The following SPDL1 variants were observed in gnomAD, a reference collection of about 807,000 sequenced individuals.
SPDL1 encodes the protein protein Spindly.
In SPDL1, 85 loss-of-function variants were observed where a neutral mutation model predicts 79.5. The ratio of observed to expected loss-of-function variants is 1.07; its 90% confidence interval spans 0.90 to 1.28. The LOEUF is 1.28. Among genes scored for constraint, SPDL1 ranks in the 50% most tolerant of loss-of-function variants. The pLI, the probability that SPDL1 is intolerant of heterozygous loss-of-function variation, is 0.00. For synonymous variants in SPDL1, 269 were observed against 240.3 expected, an observed-to-expected ratio of 1.12 and a Z score of -1.10; for missense variants, 703 against 697.8, an observed-to-expected ratio of 1.01 and a Z score of -0.08.
intron 3 of SPDL1, among the ~76,000 whole-genome samples, chr5:169,592,901 A>AT (rs961472503): frequency 4.3e-5 from 6 of 140,520 alleles, no homozygotes; most frequent in Admixed American, 3.0e-4. Context: ...CAAAATTTGG[A>AT]TTTTTTTAAT....
At chr5:169,598,202 G>A (rs894706747) in intron 8 of SPDL1, among the ~76,000 whole-genome samples, 2 of 152,198 alleles carry the variant, frequency 1.3e-5, no homozygotes, top group African/African-American at 4.8e-5. Flanking sequence ...GAGCATGTAG[G>A]TAAGGCTAGA....
rs1484013491 is a variant in SPDL1 at position 169,594,169 on chromosome 5, G to A, written c.556G>A (p.Glu186Lys). The A allele has an allele frequency of 1.2e-6, 2 of 1,607,522 alleles. No homozygotes were observed. The highest frequency in any genetic ancestry group is 1.3e-5 in the African/African-American group (1 of 74,432). Residue 186 changes from glutamate to lysine, a missense_variant, in exon 5 of 12, where the codon GAA (glutamate) becomes AAA (lysine). Coordinates refer to ENST00000265295, the MANE Select transcript of SPDL1 (RefSeq NM_017785.5). Reference protein sequence around the residue: ...MKTTLKEEVNELQYRQEQLEL... With the variant: ...MKTTLKEEVNKLQYRQEQLEL... ...GACCACCCTCAAAGAAGAAGTGAAT[G>A]AACTACAATACAGACAAGAACAGCT...
Position 169,588,507 on chromosome 5 carries a change from G to A in SPDL1, c.91G>A (p.Val31Ile). The part of the protein sequence containing the change: ...LKAAQYGLQL[V>I]ESQNELQNQL... ...AGCTGCACAGTATGGTTTACAACTA[G>A]TAGAGAGTCAAAATGAATTACAGAA... The change falls in exon 2 of 12, where the codon GTA (valine) becomes ATA (isoleucine). Residue 31 changes from valine to isoleucine, a missense_variant. Val to Ile is a conservative substitution (Grantham distance 29, BLOSUM62 3). Transcript: ENST00000265295. The A allele has an allele frequency of 6.2e-7, 1 of 1,613,900 alleles. No individual in the cohort carries two copies. The highest frequency in any genetic ancestry group is 8.5e-7 in the Non-Finnish European group (1 of 1,179,864).
At position 169,604,341 on chromosome 5, in the gene SPDL1, C is replaced by A; in HGVS notation, c.*134C>A. 1.1e-6 allele frequency: 1 copy of A among 896,578 alleles called. No homozygotes were observed. The highest frequency in any genetic ancestry group is 1.6e-6 in the Non-Finnish European group (1 of 633,406). The allele number at this position is 896,578 out of a possible 1,614,324, so 55.5% of individuals were successfully genotyped here. ...GCCAGGACCTGGCATTTTCATGTGC[C>A]TTTGACCAAGTGTTCAGAATTTGCT... On this transcript the variant is annotated 3_prime_UTR_variant, in exon 12 of 12. Coordinates refer to ENST00000265295, the MANE Select transcript of SPDL1 (RefSeq NM_017785.5).
chr5:169,590,639 C>T, intron 2 of SPDL1: 3 of 418,038 alleles, frequency 7.2e-6, no homozygotes, highest in South Asian at 1.7e-5. Flanking sequence ...TCTTTTTTTT[C>T]AACTATTATT....
intron 11 of SPDL1, among the ~76,000 whole-genome samples, chr5:169,602,732 AT>A (rs1397887237): frequency 6.6e-6 from 1 of 152,204 alleles, no homozygotes; most frequent in African/African-American, 2.4e-5. Context: ...CCCTCCTTGG[AT>A]TTTTATAGAA....
intron 1 of SPDL1, chr5:169,585,815 G>A (rs1013134852): frequency 5.9e-5 from 9 of 152,318 alleles, no homozygotes; most frequent in Admixed American, 5.9e-4. Flanking sequence ...AATTGAAGCA[G>A]TTAAAAGGTT....
At chr5:169,585,283 A>G (rs144725502) in intron 1 of SPDL1, among the ~76,000 whole-genome samples, 2 of 152,318 alleles carry the variant, frequency 1.3e-5, no homozygotes, top group East Asian at 3.9e-4. Flanking sequence ...TCATACTTGT[A>G]ACTTGATAGT....
Position 169,604,296 on chromosome 5 carries a change from C to T in SPDL1, c.*89C>T. The T allele has an allele frequency of 7.8e-7, 1 of 1,275,624 alleles. No homozygotes were observed. Among genetic ancestry groups the T allele is most frequent in the Non-Finnish European group, 1.0e-6 (1 of 955,030 alleles). The allele number at this position is 1,275,624 out of a possible 1,614,324, so 79.0% of individuals were successfully genotyped here. On this transcript the variant is annotated 3_prime_UTR_variant, in exon 12 of 12. Transcript: ENST00000265295. ...GTCTTGATCTGACATATATCACCTT[C>T]TGGGTTATTTACTCATTGTGCCAGG...
intron 1 of SPDL1, among the ~76,000 whole-genome samples, chr5:169,585,471 C>G (rs1299569565): frequency 2.0e-5 from 3 of 152,140 alleles, no homozygotes; most frequent in Non-Finnish European, 4.4e-5. Context: ...ATATGCCTGG[C>G]TGGAATGTCT....
At position 169,598,507 on chromosome 5, in the gene SPDL1, C is replaced by T. The variant is rs564240709; in HGVS notation, c.1064C>T (p.Ser355Leu). 3.1e-6 allele frequency: 5 copies of T among 1,613,010 alleles called. No homozygotes were observed. In the African/African-American group the frequency reaches 6.7e-5, roughly 22 times the overall value. ...TATGACAGTATGGAATCTAAGCCTT[C>T]AGTCGACTCTGGTACTCTGGAAGAT... ...NLYDSMESKP[S>L]VDSGTLEDNT... is the part of the protein sequence containing the mutation. The change falls in exon 9 of 12, where the codon TCA becomes TTA. Residue 355 changes from serine (S) to leucine (L), a missense_variant. Transcript: ENST00000265295.
chr5:169,594,029 T>C, intron 4 of SPDL1, 116 bp from the exon 5 acceptor site: 1 of 805,094 alleles, frequency 1.2e-6, no homozygotes, highest in Non-Finnish European at 1.9e-6. Flanking sequence ...CTGACAACTT[T>C]TGACTGGTTC....
chr5:169,602,441 A>T (rs1053632632), intron 11 of SPDL1, among the ~76,000 whole-genome samples: 1 of 152,250 alleles, frequency 6.6e-6, no homozygotes, highest in African/African-American at 2.4e-5. Flanking sequence ...CTAGACATTC[A>T]AAAAGATGTG....
intron 10 of SPDL1, among the ~76,000 whole-genome samples, chr5:169,600,806 G>A (rs6868672): frequency 0.65 from 99,074 of 152,074 alleles, 32,580 homozygotes; most frequent in East Asian, 0.73. Flanking sequence ...GCCTATTCTT[G>A]TCATTTAATC....
chr5:169,600,398 C>T (rs1179075290), intron 10 of SPDL1, among the ~76,000 whole-genome samples: 4 of 152,148 alleles, frequency 2.6e-5, no homozygotes, highest in South Asian at 4.1e-4. Context: ...AGCAAATAGA[C>T]AGGAGGCAGG....
intron 2 of SPDL1, chr5:169,590,614 G>A (rs990333891): frequency 2.4e-6 from 1 of 412,250 alleles, no homozygotes; most frequent in African/African-American, 2.0e-5. Context: ...TGAAAGTAAA[G>A]GCTAATTCAG....
chr5:169,603,938 G>A (rs1252622038), intron 11 of SPDL1, 122 bp from the exon 12 acceptor site: 2 of 1,040,250 alleles, frequency 1.9e-6, no homozygotes, highest in Non-Finnish European at 2.8e-6. Context: ...CAGTATTAGA[G>A]TCAACTATAT....
chr5:169,587,131 T>C (rs997946369), intron 1 of SPDL1: 1 of 152,224 alleles, frequency 6.6e-6, no homozygotes, highest in African/African-American at 2.4e-5. Context: ...CTATTTTTTC[T>C]CATCTCCCCT....
chr5:169,595,504 C>T (rs1755542065), intron 7 of SPDL1: 1 of 152,112 alleles, frequency 6.6e-6, no homozygotes, highest in Non-Finnish European at 1.5e-5. Flanking sequence ...GATAGAACCC[C>T]CTCTTAGAAT....
Sources: allele counts gnomAD v4.1 joint callset (sites outside exome capture counted in the v4.1 genomes callset), GRCh38; gene constraint gnomAD v4.1.1; transcripts MANE v1.5; gene names NCBI Gene and HGNC (gene_info 2026-07-23, HGNC 2026-07-21).